Variants in MTMR7 observed in about 807,000 individuals in gnomAD.
The protein encoded by MTMR7 is phosphatidylinositol-3-phosphate phosphatase MTMR7.
In MTMR7, 76 loss-of-function variants were observed where a neutral mutation model predicts 81.2. That is an observed-to-expected ratio of 0.94 (90% confidence interval 0.78 to 1.13). MTMR7 has a LOEUF of 1.13. Ranked by LOEUF, MTMR7 falls within the 50% of genes most tolerant of loss-of-function variation. The probability of loss-of-function intolerance (pLI) is 0.00; values close to 1 mark genes in which losing one functional copy is unlikely to be tolerated. For missense variants in MTMR7, 1,044 were observed against 820.0 expected (o/e 1.27, Z -3.34); for synonymous variants, 372 against 289.8 (o/e 1.28, Z -2.88).
chr8:17,368,125 C>T (rs1820290703), intron 3 of MTMR7, among the ~76,000 whole-genome samples: 1 of 152,042 alleles, frequency 6.6e-6, no homozygotes, highest in Non-Finnish European at 1.5e-5. Flanking sequence ...AACTCTTCCA[C>T]CTCAGATCAT....
In MTMR7 at chr8:17,344,046, G is replaced by A. The variant is rs139967391; in HGVS notation, c.598-2549C>T. ...TGATGGCTTACTACTGTTTTTGAGT[G>A]TTTATATGATAGGCACTATTATAAG... is the stretch of plus-strand genomic sequence containing the variant. On this transcript the variant is annotated intron_variant, in intron 5 of 13. Coordinates refer to ENST00000180173, the MANE Select transcript of MTMR7 (RefSeq NM_004686.5). Among the ~76,000 whole-genome samples, 68 of 152,282 alleles carry A rather than the reference G, an allele frequency of 4.5e-4. 3 individuals are homozygous for A. In the East Asian group the frequency reaches 0.013, roughly 28 times the overall value.
intron 1 of MTMR7, among the ~76,000 whole-genome samples, chr8:17,409,908 A>G (rs769890606): frequency 2.0e-5 from 3 of 152,208 alleles, no homozygotes; most frequent in Non-Finnish European, 4.4e-5. Context: ...CTCTGTGAAG[A>G]CAAGTTGTGA....
In MTMR7 at chr8:17,399,383, T is replaced by C. The variant is rs192287591; in HGVS notation, c.24+13886A>G. Among the ~76,000 whole-genome samples the C allele has an allele frequency of 1.9e-3, 290 of 152,226 alleles. 2 individuals are homozygous for C. The highest frequency in any genetic ancestry group is 5.9e-4 in the Non-Finnish European group (40 of 68,008). ...ATCAAGAAAGCAATCCTATTTATAA[T>C]AGCTACAAATAATATAAAATACCTA... On this transcript the variant is annotated intron_variant, in intron 1 of 13. Coordinates refer to ENST00000180173, the MANE Select transcript of MTMR7 (RefSeq NM_004686.5).
chr8:17,371,002 G>C (rs371967090), intron 3 of MTMR7, 35 bp downstream of exon 3: 4 of 1,592,682 alleles, frequency 2.5e-6, no homozygotes, highest in African/African-American at 2.7e-5. Context: ...TTTTAAGAGA[G>C]GTTCCATATT....
At chr8:17,306,636 T>G (rs1043768549) in intron 10 of MTMR7, among the ~76,000 whole-genome samples, 2 of 152,184 alleles carry the variant, frequency 1.3e-5, no homozygotes, top group African/African-American at 4.8e-5. Flanking sequence ...CAAAAGGATG[T>G]TTTGGTGTCA....
At chr8:17,383,580 T>A (rs538589849) in intron 1 of MTMR7, among the ~76,000 whole-genome samples, 1 of 152,296 alleles carries the variant, frequency 6.6e-6, no homozygotes, top group South Asian at 2.1e-4. Context: ...ATATTGCAAA[T>A]GAAGGAAAAA....
At chr8:17,363,564 C>A (rs1041916682) in intron 3 of MTMR7, among the ~76,000 whole-genome samples, 5 of 152,090 alleles carry the variant, frequency 3.3e-5, no homozygotes, top group Admixed American at 1.3e-4. Flanking sequence ...AACTAGGAGA[C>A]CTTAGGATGG....
chr8:17,336,065 A>G (rs1256136661), intron 6 of MTMR7, among the ~76,000 whole-genome samples: 1 of 152,180 alleles, frequency 6.6e-6, no homozygotes, highest in Non-Finnish European at 1.5e-5. Context: ...ATCGGTTGAC[A>G]TGAGTTGGTC....
intron 10 of MTMR7, among the ~76,000 whole-genome samples, chr8:17,306,172 G>A (rs367802167): frequency 2.6e-5 from 4 of 152,068 alleles, no homozygotes; most frequent in East Asian, 3.9e-4. Context: ...ATGCGTTCAC[G>A]TTATAGTTAC....
chr8:17,394,576 T>A (rs1023113563), intron 1 of MTMR7, among the ~76,000 whole-genome samples: 5 of 152,148 alleles, frequency 3.3e-5, no homozygotes, highest in Non-Finnish European at 7.4e-5. Flanking sequence ...GGTTTCTTTT[T>A]GGGGTGGTGA....
At chr8:17,323,539 TGTAAA>T (rs932138450) in intron 7 of MTMR7, among the ~76,000 whole-genome samples, 82 of 151,978 alleles carry the variant, frequency 5.4e-4, no homozygotes, top group African/African-American at 1.7e-3. Flanking sequence ...CCGGCGTGGA[TGTAAA>T]GTGGTAGGCA....
At chr8:17,321,840 A>G (rs1453265972) in intron 7 of MTMR7, among the ~76,000 whole-genome samples, 1 of 152,248 alleles carries the variant, frequency 6.6e-6, no homozygotes, top group African/African-American at 2.4e-5. Flanking sequence ...ACATGTCACA[A>G]ACATATATAA....
intron 4 of MTMR7, among the ~76,000 whole-genome samples, chr8:17,357,182 T>C (rs1304448005): frequency 6.6e-6 from 1 of 152,222 alleles, no homozygotes; most frequent in Non-Finnish European, 1.5e-5. Context: ...GTATCAACAG[T>C]TACTAATCTC....
chr8:17,410,498 T>G (rs1421649730), intron 1 of MTMR7, among the ~76,000 whole-genome samples: 2 of 152,152 alleles, frequency 1.3e-5, no homozygotes, highest in Non-Finnish European at 2.9e-5. Flanking sequence ...GACAGTGAAG[T>G]AGAAACCTAG....
chr8:17,364,146 C>A (rs1820147670), intron 3 of MTMR7, among the ~76,000 whole-genome samples: 1 of 150,272 alleles, frequency 6.7e-6, no homozygotes, highest in African/African-American at 2.4e-5. Flanking sequence ...TCTCCTGCCT[C>A]AGCCTCCGGA....
intron 6 of MTMR7, among the ~76,000 whole-genome samples, chr8:17,339,386 C>T (rs916811327): frequency 6.6e-6 from 1 of 152,150 alleles, no homozygotes; most frequent in Non-Finnish European, 1.5e-5. Context: ...ATTTCCATCA[C>T]CCTAAAGAGA....
intron 1 of MTMR7, among the ~76,000 whole-genome samples, chr8:17,404,820 G>GTTTTGT (rs1228227179): frequency 6.6e-6 from 1 of 151,988 alleles, no homozygotes. Flanking sequence ...TTTTGTTGTT[G>GTTTTGT]TTTTGTTTTT....
rs1293118160 is a variant in MTMR7 at position 17,299,608 on chromosome 8, A to G, written c.*254T>C. 4.2e-6 allele frequency: 2 copies of G among 476,566 alleles called. No individual in the cohort carries two copies. The highest frequency in any genetic ancestry group is 3.4e-5 in the Admixed American group (1 of 29,544). The allele number at this position is 476,566 out of a possible 1,614,324, so 29.5% of individuals were successfully genotyped here. A position where few individuals can be genotyped will look rare whatever the true frequency, so the allele number is the denominator to read the frequency against. ...TGACAGAAGTAATTGCTCTGCAGTG[A>G]ATATAATTTTCATAGTCTAGGGTGA... is the stretch of plus-strand genomic sequence containing the variant. On this transcript the variant is annotated 3_prime_UTR_variant, in exon 14 of 14. Coordinates refer to ENST00000180173, the MANE Select transcript of MTMR7 (RefSeq NM_004686.5).
intron 1 of MTMR7, among the ~76,000 whole-genome samples, chr8:17,398,521 AAG>A (rs150655935): frequency 0.059 from 8,981 of 152,158 alleles, 483 homozygotes; most frequent in East Asian, 0.33. Flanking sequence ...ACAAAACACA[AAG>A]GAGTAAAAAA....
Sources: gnomAD v4.1 joint callset for allele counts (sites outside exome capture counted in the v4.1 genomes callset) on GRCh38, gnomAD v4.1.1 for gene constraint, MANE v1.5 for transcripts, NCBI Gene and HGNC (gene_info 2026-07-23, HGNC 2026-07-21) for gene names.